Variants in ACSM1 observed in about 807,000 individuals in gnomAD.
ACSM1 encodes the protein acyl-coenzyme A synthetase ACSM1, mitochondrial.
A neutral mutation model predicts 75.8 loss-of-function variants in ACSM1; 79 were observed. The observed-to-expected ratio is 1.04, with a 90% CI of 0.87 to 1.26. The LOEUF (loss-of-function observed/expected upper bound fraction) is 1.26, where lower values mean the gene tolerates loss of function less well. Among genes scored for constraint, ACSM1 ranks in the 50% most tolerant of loss-of-function variants. ACSM1 has a pLI of 0.00. For synonymous variants in ACSM1, 279 were observed against 265.8 expected (o/e 1.05, Z -0.48); for missense variants, 676 against 720.1 (o/e 0.94, Z 0.70).
At chr16:20,689,239 T>C (rs749556644) in intron 2 of ACSM1, among the ~76,000 whole-genome samples, 22 of 151,920 alleles carry the variant, frequency 1.4e-4, no homozygotes, top group Non-Finnish European at 2.4e-4. Context: ...ATTAAATAGA[T>C]TGCTAGAACT....
chr16:20,685,826 A>AAAG (rs2079540492), intron 2 of ACSM1, among the ~76,000 whole-genome samples: 1 of 127,806 alleles, frequency 7.8e-6, no homozygotes, highest in Non-Finnish European at 1.8e-5. Flanking sequence ...TCTCAAAAAA[A>AAAG]AAAAACAAAC....
At chr16:20,668,243 T>C (rs1396412002) in intron 6 of ACSM1, among the ~76,000 whole-genome samples, 1 of 152,210 alleles carries the variant, frequency 6.6e-6, no homozygotes, top group Non-Finnish European at 1.5e-5. Flanking sequence ...GAATAATTCA[T>C]AAAAATAGTA....
chr16:20,690,149 G>A (rs1481376240), intron 2 of ACSM1, among the ~76,000 whole-genome samples: 1 of 152,166 alleles, frequency 6.6e-6, no homozygotes, highest in African/African-American at 2.4e-5. Context: ...TGTAGGCTTT[G>A]GATAGTAATA....
intron 1 of ACSM1, among the ~76,000 whole-genome samples, chr16:20,695,932 C>G (rs1434925627): frequency 6.6e-6 from 1 of 152,162 alleles, no homozygotes; most frequent in Non-Finnish European, 1.5e-5. Context: ...TAGTCATGTG[C>G]CACAATATGA....
In ACSM1 at chr16:20,637,216, A is replaced by G. The variant is rs1233223248; in HGVS notation, c.1197+155T>C. On this transcript the variant is annotated intron_variant, in intron 9 of 13. Coordinates refer to ENST00000520010, the MANE Select transcript of ACSM1 (RefSeq NM_001318890.3). ...CATGCTCACAATAATGCAGTTTTCA[A>G]CTGAGGCCTCCATATGAAACTGAAG... The G allele has an allele frequency of 1.0e-5, 8 of 793,376 alleles. No individual in the cohort carries two copies. The African/African-American group carries it at 1.2e-4, about 12-fold the overall frequency. 49.1% of individuals were successfully genotyped at this position (793,376 alleles called of 1,614,324 possible).
intron 7 of ACSM1, among the ~76,000 whole-genome samples, chr16:20,655,617 TGG>T (rs2018916788): frequency 6.6e-6 from 1 of 152,068 alleles, no homozygotes; most frequent in African/African-American, 2.4e-5. Flanking sequence ...CAAAACTAAT[TGG>T]TTAAAGCAAG....
intron 7 of ACSM1, among the ~76,000 whole-genome samples, chr16:20,646,709 A>C (rs772945410): frequency 2.0e-4 from 30 of 152,166 alleles, no homozygotes; most frequent in Non-Finnish European, 4.1e-4. Context: ...GCCATTATAC[A>C]CTAGAATTAG....
intron 4 of ACSM1, among the ~76,000 whole-genome samples, chr16:20,672,471 A>AAATATATATAT (rs1555473775): frequency 3.1e-5 from 2 of 64,574 alleles, no homozygotes; most frequent in Non-Finnish European, 5.3e-5. Context: ...AAAAAAAAAA[A>AAATATATATAT]ATATATATAT....
At chr16:20,638,274 A>G (rs905112737) in intron 8 of ACSM1, among the ~76,000 whole-genome samples, 3 of 152,210 alleles carry the variant, frequency 2.0e-5, no homozygotes, top group African/African-American at 4.8e-5. Flanking sequence ...AAAATTCTGC[A>G]TAATACAAGG....
intron 2 of ACSM1, among the ~76,000 whole-genome samples, chr16:20,685,959 T>C (rs370429964): frequency 3.1e-4 from 47 of 152,182 alleles, no homozygotes; most frequent in East Asian, 2.3e-3. Context: ...TGCTTCCTAT[T>C]GAAGATTTAA....
intron 7 of ACSM1, among the ~76,000 whole-genome samples, chr16:20,653,737 G>C (rs1440613549): frequency 6.6e-6 from 1 of 151,460 alleles, no homozygotes; most frequent in African/African-American, 2.4e-5. Context: ...ATAAACCACT[G>C]CTCAACAAAA....
At position 20,636,748 on chromosome 16, in the gene ACSM1, C is replaced by T; in HGVS notation, c.1290G>A (p.Met430Ile). The change falls in exon 10 of 14, where the codon ATG (methionine) becomes ATA (isoleucine). Residue 430 changes from methionine to isoleucine, a missense_variant. Coordinates refer to ENST00000520010, the MANE Select transcript of ACSM1 (RefSeq NM_001318890.3). ...IKPVRPVSLFMCYEGDPEKTA... is the reference protein window; with the variant it reads ...IKPVRPVSLFICYEGDPEKTA... Reference sequence around the variant, plus strand: ...GATGGGGGGTCATTACCTCATAGCACATGAAGAGGCTCACAGGCCTGACAG... The same window carrying T: ...GATGGGGGGTCATTACCTCATAGCATATGAAGAGGCTCACAGGCCTGACAG... 6.2e-7 allele frequency: 1 copy of T among 1,613,876 alleles called. No individual in the cohort carries two copies. Among genetic ancestry groups the T allele is most frequent in the Non-Finnish European group, 8.5e-7 (1 of 1,179,772 alleles).
chr16:20,628,434 T>G (rs2017124706), intron 10 of ACSM1, among the ~76,000 whole-genome samples: 1 of 152,164 alleles, frequency 6.6e-6, no homozygotes, highest in South Asian at 2.1e-4. Context: ...CCTCTTCCTC[T>G]CCTCTCACCT....
rs918278565 is a variant in ACSM1, at chr16:20,683,260, G to T, written c.404-797C>A. 9.2e-5 allele frequency among the ~76,000 whole-genome samples: 14 copies of T among 152,072 alleles called. No homozygotes were observed. The East Asian group carries it at 2.7e-3, about 29-fold the overall frequency. On this transcript the variant is annotated intron_variant, in intron 3 of 13. Transcript: ENST00000520010. ...AGCCTCTCCAGCAGCTGGGATTAAAGGTGTCCACCACCATGCCCAGCTATT... is the reference window on the plus strand; with the variant it reads ...AGCCTCTCCAGCAGCTGGGATTAAATGTGTCCACCACCATGCCCAGCTATT...
chr16:20,670,820 C>A (rs927532771), intron 5 of ACSM1, among the ~76,000 whole-genome samples: 28 of 152,204 alleles, frequency 1.8e-4, no homozygotes, highest in African/African-American at 6.8e-4. Context: ...CAACTGTCAT[C>A]ATTAGTGTAA....
chr16:20,669,875 T>A lies in ACSM1; in HGVS notation c.864A>T (p.Thr288=), dbSNP rs1304728027. The A allele has an allele frequency of 6.2e-7, 1 of 1,614,038 alleles. No individual in the cohort carries two copies. The highest frequency in any genetic ancestry group is 8.5e-7 in the Non-Finnish European group (1 of 1,179,926). ...ACTGTGGCAGATGGTGGATAAAGAC[T>A]GTACAACCCGCTGTCCATGGTTCTA... ...TLVEPWTAGC[T]VFIHHLPQFD... Residue 288 remains threonine, a synonymous_variant, in exon 6 of 14, where the codon ACA becomes ACT. Transcript: ENST00000520010.
chr16:20,659,831 C>G (rs902701723), intron 7 of ACSM1, among the ~76,000 whole-genome samples: 1 of 152,192 alleles, frequency 6.6e-6, no homozygotes. Flanking sequence ...TTTCCACAAT[C>G]CTTTCTCTTA....
At position 20,691,078 on chromosome 16, in the gene ACSM1, G is replaced by T; in HGVS notation, c.111C>A (p.Ala37=). 1 of 1,613,570 alleles carries T rather than the reference G, an allele frequency of 6.2e-7. No individual in the cohort carries two copies. The highest frequency in any genetic ancestry group is 1.1e-5 in the South Asian group (1 of 90,904). The change falls in exon 2 of 14, where the codon GCC becomes GCA. Residue 37 remains alanine (A), a synonymous_variant. Transcript: ENST00000520010. The part of the protein sequence containing the change: ...LRCRSLSEFG[A]PRWNDYEVPE... ...GTACTTCATAGTCATTCCATCTTGG[G>T]GCTCCAAATTCTGATAAAGACCGGC...
At chr16:20,628,450 G>A (rs2017125707) in intron 10 of ACSM1, among the ~76,000 whole-genome samples, 1 of 151,828 alleles carries the variant, frequency 6.6e-6, no homozygotes, top group Non-Finnish European at 1.5e-5. Context: ...CACCTTCCCT[G>A]ACCCCTTGCT....
Sources: allele counts gnomAD v4.1 joint callset (sites outside exome capture counted in the v4.1 genomes callset), GRCh38; gene constraint gnomAD v4.1.1; transcripts MANE v1.5; gene names NCBI Gene and HGNC (gene_info 2026-07-23, HGNC 2026-07-21).